Variants in GNAS observed in about 807,000 individuals in gnomAD.
GNAS encodes GNAS complex locus.
Under a neutral mutation model 54.5 loss-of-function variants are expected in GNAS, and 8 were observed. The ratio of observed to expected loss-of-function variants is 0.15; its 90% confidence interval spans 0.09 to 0.26. The LOEUF (loss-of-function observed/expected upper bound fraction) is 0.26. GNAS is among the 10% of genes least tolerant of loss of function. GNAS has a pLI of 1.00. For missense variants in GNAS, 170 were observed against 529.8 expected (o/e 0.32, Z 6.67); for synonymous variants, 204 against 191.4 (o/e 1.07, Z -0.54).
intron 1 of GNAS, chr20:58,895,382 T>C: frequency 1.9e-6 from 1 of 535,804 alleles, no homozygotes; most frequent in South Asian, 2.1e-5. Flanking sequence ...CAGCAAACCT[T>C]AAATTCTTGT....
At chr20:58,870,370 G>A (rs949364811) in intron 1 of GNAS, among the ~76,000 whole-genome samples, 2 of 152,240 alleles carry the variant, frequency 1.3e-5, no homozygotes, top group Admixed American at 6.5e-5. Flanking sequence ...GCTGAGGGCA[G>A]GTGACCCTGT....
chr20:58,889,324 G>C, upstream of GNAS: 1 of 989,804 alleles, frequency 1.0e-6, no homozygotes, highest in Non-Finnish European at 1.2e-6. Context: ...GGCAGGCGCT[G>C]CCTTGCGTGT....
intron 1 of GNAS, among the ~76,000 whole-genome samples, chr20:58,864,499 C>T (rs1454822733): frequency 6.6e-6 from 1 of 152,092 alleles, no homozygotes; most frequent in Non-Finnish European, 1.5e-5. Flanking sequence ...CCCACTGCCC[C>T]CCAACATGGG....
intron 1 of GNAS, among the ~76,000 whole-genome samples, chr20:58,882,053 T>TTTTTGTTTGTTTGTGTTTG (rs1283908526): frequency 6.6e-6 from 1 of 152,144 alleles, no homozygotes; most frequent in African/African-American, 2.4e-5. Flanking sequence ...TCCATTTTCT[T>TTTTTGTTTGTTTGTGTTTG]TTTTGTTTGT....
intron 5 of GNAS, 123 bp downstream of exon 5, chr20:58,903,914 T>C (rs2146188760): frequency 1.1e-6 from 1 of 941,700 alleles, no homozygotes; most frequent in South Asian, 1.3e-5. Context: ...CAGGCAAAAC[T>C]ACATTTCAGT....
intron 6 of GNAS, chr20:58,908,918 A>C (rs1255598857): frequency 1.2e-5 from 7 of 603,082 alleles, no homozygotes; most frequent in Non-Finnish European, 1.8e-5. Context: ...TAGCTGCTAG[A>C]CGCATCTAGA....
intron 1 of GNAS, among the ~76,000 whole-genome samples, chr20:58,870,158 G>T (rs12625436): frequency 1.3e-5 from 2 of 152,030 alleles, no homozygotes; most frequent in African/African-American, 2.4e-5. Context: ...TCTCTCTTAA[G>T]ATTGTAAAGT....
intron 1 of GNAS, among the ~76,000 whole-genome samples, chr20:58,871,445 TC>T (rs2087439173): frequency 6.6e-6 from 1 of 151,682 alleles, no homozygotes; most frequent in Non-Finnish European, 1.5e-5. Flanking sequence ...AGAAACATCA[TC>T]TCTACTAAAA....
chr20:58,893,392 C>T (rs1274533046), intron 1 of GNAS, among the ~76,000 whole-genome samples: 1 of 152,022 alleles, frequency 6.6e-6, no homozygotes, highest in East Asian at 1.9e-4. Context: ...TGGAAGTTTT[C>T]CACTTCCTTG....
chr20:58,904,938 A>G (rs1422906874), intron 5 of GNAS, among the ~76,000 whole-genome samples: 1 of 152,182 alleles, frequency 6.6e-6, no homozygotes, highest in East Asian at 1.9e-4. Flanking sequence ...GTCCCCCATC[A>G]TCATTTTTTT....
At chr20:58,887,032 A>G (rs1442252199), upstream of GNAS, among the ~76,000 whole-genome samples, 1 of 152,198 alleles carries the variant, frequency 6.6e-6, no homozygotes, top group Non-Finnish European at 1.5e-5. Context: ...CTTGCCTAGG[A>G]CGCATGTTAG....
upstream of GNAS, among the ~76,000 whole-genome samples, chr20:58,887,211 A>G (rs142130640): frequency 5.3e-5 from 8 of 152,318 alleles, no homozygotes; most frequent in Admixed American, 5.2e-4. Context: ...ATTTGTTACT[A>G]TTTACCTTGT....
chr20:58,891,613 A>AGCCCGC lies in GNAS; in HGVS notation c.-108_-103dup, dbSNP rs1254995454. 45 of 962,708 alleles carry AGCCCGC rather than the reference A, an allele frequency of 4.7e-5. No homozygotes were observed. In the African/African-American group the frequency reaches 8.3e-4, roughly 18 times the overall value. 59.6% of individuals were successfully genotyped at this position (962,708 alleles called of 1,614,324 possible). Reference sequence around the variant, plus strand: ...CCGCGCGCTCCTTGCCGAGGAGCCGAGCCCGCGCCCGGCCCGCCCGCCCGG... The same window carrying AGCCCGC: ...CCGCGCGCTCCTTGCCGAGGAGCCGAGCCCGCGCCCGCGCCCGGCCCGCCCGCCCGG... On this transcript the variant is annotated 5_prime_UTR_variant, in exon 1 of 13. Transcript: ENST00000371085.
rs372052381 is a variant in GNAS, at chr20:58,841,539, G to A, written c.43+653G>A. Reference sequence around the variant, plus strand: ...GCGCCAGTGCCTCCAGCTGCCGTGCGCCAGCCTTGGCCGCCACAGCCCGCC... The same window carrying A: ...GCGCCAGTGCCTCCAGCTGCCGTGCACCAGCCTTGGCCGCCACAGCCCGCC... On this transcript the variant is annotated intron_variant, in intron 1 of 12. Coordinates refer to the GNAS transcript ENST00000306090. The surrounding 1 kb of genome is among the most constrained non-coding windows in gnomAD (Gnocchi z 5.0). 11 of 995,306 alleles carry A rather than the reference G, an allele frequency of 1.1e-5. No homozygotes were observed. In the South Asian group the frequency reaches 2.8e-4, roughly 25 times the overall value. 61.7% of individuals were successfully genotyped at this position (995,306 alleles called of 1,614,324 possible). A position where few individuals can be genotyped will look rare whatever the true frequency, so the allele number is the denominator to read the frequency against.
intron 1 of GNAS, chr20:58,854,962 A>C (rs2086395935): frequency 6.2e-7 from 1 of 1,611,282 alleles, no homozygotes; most frequent in Non-Finnish European, 8.5e-7. Context: ...GTGTACTACG[A>C]TGAAGGGGTG....
upstream of GNAS, chr20:58,840,523 C>T (rs148044699): frequency 1.9e-6 from 3 of 1,613,508 alleles, no homozygotes; most frequent in South Asian, 2.2e-5. The surrounding 1 kb of genome is among the most constrained non-coding windows in gnomAD (Gnocchi z 6.0). Flanking sequence ...AGCCCGAGAC[C>T]GAGCCTGAAG....
chr20:58,896,503 G>A (rs192157600), intron 2 of GNAS, among the ~76,000 whole-genome samples: 1 of 152,194 alleles, frequency 6.6e-6, no homozygotes, highest in Admixed American at 6.5e-5. Context: ...AGACGAGTTA[G>A]GAAGCCCTGC....
chr20:58,895,208 A>G (rs1451048093), intron 1 of GNAS: 1 of 320,704 alleles, frequency 3.1e-6, no homozygotes, highest in Non-Finnish European at 6.1e-6. Context: ...ATGTGTCTAG[A>G]TATGTTTATG....
chr20:58,880,112 C>T (rs2088129413), intron 1 of GNAS, among the ~76,000 whole-genome samples: 1 of 152,132 alleles, frequency 6.6e-6, no homozygotes, highest in African/African-American at 2.4e-5. Context: ...CCTGATCTCT[C>T]AGTGCAGTAA....
Sources: gnomAD v4.1 joint callset for allele counts (sites outside exome capture counted in the v4.1 genomes callset) on GRCh38, gnomAD v4.1.1 for gene constraint, Gnocchi (gnomAD v3.1) non-coding constraint, MANE v1.5 for transcripts, NCBI Gene and HGNC (gene_info 2026-07-23, HGNC 2026-07-21) for gene names.